Variants in TBC1D22A observed in about 807,000 individuals in gnomAD.
TBC1D22A encodes putative GTPase activator.
Under a neutral mutation model 60.2 loss-of-function variants are expected in TBC1D22A, and 38 were observed. The ratio of observed to expected loss-of-function variants is 0.63; its 90% CI spans 0.49 to 0.83. TBC1D22A has a LOEUF of 0.83. Ranked by LOEUF, TBC1D22A falls within the 40% of genes least tolerant of loss-of-function variation. The pLI, the probability that TBC1D22A is intolerant of heterozygous loss-of-function variation, is 0.00. For missense variants in TBC1D22A, 628 were observed against 701.0 expected (o/e 0.90, Z 1.18); for synonymous variants, 302 against 281.7 (o/e 1.07, Z -0.72).
At chr22:46,788,435 G>T (rs977837330) in intron 1 of TBC1D22A, among the ~76,000 whole-genome samples, 40 of 152,176 alleles carry the variant, frequency 2.6e-4, no homozygotes, top group African/African-American at 7.2e-4. Context: ...AAAAAGAAAC[G>T]GCATGTTGAG....
intron 11 of TBC1D22A, among the ~76,000 whole-genome samples, chr22:47,064,360 A>T (rs2063686865): frequency 6.6e-6 from 1 of 152,258 alleles, no homozygotes; most frequent in Non-Finnish European, 1.5e-5. Flanking sequence ...CAGCAAACAC[A>T]GAATTAGAAA....
At position 47,173,378 on chromosome 22, in the gene TBC1D22A, C is replaced by T. The variant is rs570115214; in HGVS notation, c.1426-120C>T. 2.9e-6 allele frequency: 4 copies of T among 1,374,542 alleles called. No individual in the cohort carries two copies. In the East Asian group the frequency reaches 7.0e-5, roughly 24 times the overall value. 85.1% of individuals were successfully genotyped at this position (1,374,542 alleles called of 1,614,324 possible). ...TCTCCAGTTTTCCTGGATCACCCGCCCTGCACCGTGGGTCACCTCCTCTGA... is the reference window on the plus strand; with the variant it reads ...TCTCCAGTTTTCCTGGATCACCCGCTCTGCACCGTGGGTCACCTCCTCTGA... On this transcript the variant is annotated intron_variant, in intron 12 of 12. Coordinates refer to ENST00000337137, the MANE Select transcript of TBC1D22A (RefSeq NM_014346.5).
At chr22:47,109,862 A>G (rs1264334774) in intron 11 of TBC1D22A, among the ~76,000 whole-genome samples, 1 of 151,924 alleles carries the variant, frequency 6.6e-6, no homozygotes, top group Non-Finnish European at 1.5e-5. Context: ...GGCCCAAGTC[A>G]CTAGCCCCTC....
intron 10 of TBC1D22A, among the ~76,000 whole-genome samples, chr22:47,018,483 G>A (rs140393901): frequency 1.7e-3 from 259 of 152,244 alleles, no homozygotes; most frequent in Middle Eastern, 3.4e-3. Context: ...TCTGCCTGCC[G>A]TTCGGCTCGG....
chr22:46,852,114 C>T (rs571756348), intron 4 of TBC1D22A, among the ~76,000 whole-genome samples: 19 of 152,322 alleles, frequency 1.2e-4, no homozygotes, highest in African/African-American at 4.3e-4. Flanking sequence ...GCCGTCTTTC[C>T]CAGGCGTGCT....
chr22:46,860,938 G>T (rs1158487590), intron 4 of TBC1D22A, among the ~76,000 whole-genome samples: 1 of 152,178 alleles, frequency 6.6e-6, no homozygotes, highest in African/African-American at 2.4e-5. Flanking sequence ...CTCATTCTGA[G>T]AAGCTCTTTT....
Position 46,974,333 on chromosome 22 carries a change from A to G in TBC1D22A, c.1059A>G (p.Ala353=), listed in dbSNP as rs772880363. Residue 353 remains alanine (A), a synonymous_variant, in exon 9 of 13, where the codon GCA becomes GCG. Transcript: ENST00000337137. ...CGGTGGACGTCTCCGGCGTGCCCGCAGAGGTGCTGTGCAACATCGAGGCCG... is the reference window on the plus strand; with the variant it reads ...CGGTGGACGTCTCCGGCGTGCCCGCGGAGGTGCTGTGCAACATCGAGGCCG... ...VDTVDVSGVP[A]EVLCNIEADT... 3.7e-6 allele frequency: 6 copies of G among 1,609,264 alleles called. No individual in the cohort carries two copies. Among genetic ancestry groups the G allele is most frequent in the African/African-American group, 2.7e-5 (2 of 74,876 alleles).
chr22:46,847,741 C>T (rs2087068111), intron 4 of TBC1D22A, among the ~76,000 whole-genome samples: 1 of 152,212 alleles, frequency 6.6e-6, no homozygotes, highest in Non-Finnish European at 1.5e-5. Flanking sequence ...TAGAGGCACC[C>T]AGGCTTGTTG....
At chr22:47,057,923 G>A (rs2063450009) in intron 11 of TBC1D22A, among the ~76,000 whole-genome samples, 1 of 152,192 alleles carries the variant, frequency 6.6e-6, no homozygotes, top group South Asian at 2.1e-4. Flanking sequence ...GGGACCTGCT[G>A]GGCAGTTGAT....
intron 11 of TBC1D22A, among the ~76,000 whole-genome samples, chr22:47,062,502 T>A (rs2063614028): frequency 6.6e-6 from 1 of 152,228 alleles, no homozygotes; most frequent in South Asian, 2.1e-4. Context: ...TATTCCAGAA[T>A]ACGGTGCATG....
intron 12 of TBC1D22A, among the ~76,000 whole-genome samples, chr22:47,151,283 G>A (rs929611788): frequency 3.9e-5 from 6 of 152,212 alleles, no homozygotes; most frequent in African/African-American, 1.4e-4. Context: ...CTTCCCGGGT[G>A]AGGCAGGCCA....
intron 4 of TBC1D22A, among the ~76,000 whole-genome samples, chr22:46,848,863 T>C (rs964427297): frequency 2.0e-5 from 3 of 151,596 alleles, no homozygotes. Flanking sequence ...CCCACCGTAA[T>C]AGCACCTCAC....
At chr22:46,952,369 C>T (rs890915358) in intron 8 of TBC1D22A, among the ~76,000 whole-genome samples, 5 of 139,082 alleles carry the variant, frequency 3.6e-5, no homozygotes, top group Non-Finnish European at 8.1e-5. Context: ...TTTCATCCTG[C>T]GTTCTCCACT....
chr22:46,911,520 C>T (rs59603238), intron 7 of TBC1D22A, among the ~76,000 whole-genome samples: 14,749 of 152,144 alleles, frequency 0.097, 1,443 homozygotes, highest in African/African-American at 0.25. Flanking sequence ...GAGCAGAGCG[C>T]TTCTGCTGGG....
At chr22:46,903,442 C>T (rs2069157837) in intron 7 of TBC1D22A, among the ~76,000 whole-genome samples, 1 of 152,240 alleles carries the variant, frequency 6.6e-6, no homozygotes, top group African/African-American at 2.4e-5. Context: ...TGGCTTAGTA[C>T]CTCTGGCTTT....
At chr22:46,887,329 G>A (rs1046178690) in intron 5 of TBC1D22A, among the ~76,000 whole-genome samples, 1 of 152,198 alleles carries the variant, frequency 6.6e-6, no homozygotes, top group East Asian at 1.9e-4. Flanking sequence ...ATCAAGTGTT[G>A]GCAAGGATGT....
Position 46,920,057 on chromosome 22 carries a change from T to TTGTA in TBC1D22A, c.1015+7896_1015+7899dup, listed in dbSNP as rs60952648. 3.7e-3 allele frequency among the ~76,000 whole-genome samples: 217 copies of TTGTA among 59,236 alleles called. 1 individual carries two copies. Among genetic ancestry groups the TTGTA allele is most frequent in the East Asian group, 0.01 (7 of 684 alleles). 38.9% of individuals were successfully genotyped at this position (59,236 alleles called of 152,430 possible). ...GAGTGTTAGGTATATATGTGTTTGTTTGTATGTATGTATGTATGTATGTAT... is the reference window on the plus strand; with the variant it reads ...GAGTGTTAGGTATATATGTGTTTGTTTGTATGTATGTATGTATGTATGTATGTAT... On this transcript the variant is annotated intron_variant, in intron 8 of 12. Transcript: ENST00000337137.
chr22:47,101,482 T>G (rs141284171), intron 11 of TBC1D22A, among the ~76,000 whole-genome samples: 1,696 of 152,294 alleles, frequency 0.011, 31 homozygotes, highest in African/African-American at 0.039. Context: ...TGTGGGAGTT[T>G]CCCAATGCAG....
intron 6 of TBC1D22A, among the ~76,000 whole-genome samples, chr22:46,892,943 G>C (rs2147613147): frequency 6.6e-6 from 1 of 152,352 alleles, no homozygotes; most frequent in East Asian, 1.9e-4. Flanking sequence ...ATGCTTTGAG[G>C]CCTCTTAGAA....
Sources: allele counts gnomAD v4.1 joint callset (sites outside exome capture counted in the v4.1 genomes callset), GRCh38; gene constraint gnomAD v4.1.1; transcripts MANE v1.5; gene names NCBI Gene and HGNC (gene_info 2026-07-23, HGNC 2026-07-21).